The following ST8SIA1 variants were observed in gnomAD, a reference collection of about 807,000 sequenced individuals.
ST8SIA1 encodes the protein alpha-N-acetylneuraminide alpha-2,8-sialyltransferase.
ST8SIA1 carries 16 observed loss-of-function variants against 35.9 expected under a neutral mutation model. The ratio of observed to expected loss-of-function variants is 0.45; its 90% CI spans 0.30 to 0.68. The LOEUF (loss-of-function observed/expected upper bound fraction) is 0.68. ST8SIA1 is among the 30% of genes least tolerant of loss of function. ST8SIA1 has a pLI of 0.09. For missense variants in ST8SIA1, 383 were observed against 453.6 expected, an observed-to-expected ratio of 0.84 and a Z score of 1.41; for synonymous variants, 170 against 169.6, an observed-to-expected ratio of 1.00 and a Z score of -0.02.
At chr12:22,214,973 C>A (rs900148962) in intron 4 of ST8SIA1, among the ~76,000 whole-genome samples, 4 of 152,156 alleles carry the variant, frequency 2.6e-5, no homozygotes, top group Non-Finnish European at 4.4e-5. Flanking sequence ...ATTCTATGCT[C>A]TGAATTATAT....
At chr12:22,243,666 AT>A (rs1447460348) in intron 4 of ST8SIA1, among the ~76,000 whole-genome samples, 1 of 152,244 alleles carries the variant, frequency 6.6e-6, no homozygotes, top group Non-Finnish European at 1.5e-5. Context: ...AAAACATTGT[AT>A]TCCAATTTGA....
chr12:22,233,497 C>T (rs1468236219), intron 4 of ST8SIA1, among the ~76,000 whole-genome samples: 3 of 152,024 alleles, frequency 2.0e-5, no homozygotes, highest in Non-Finnish European at 4.4e-5. Context: ...GAGTTTCACT[C>T]AAGTATCTCA....
At chr12:22,310,736 C>T (rs1866438992) in intron 1 of ST8SIA1, among the ~76,000 whole-genome samples, 1 of 152,152 alleles carries the variant, frequency 6.6e-6, no homozygotes, top group South Asian at 2.1e-4. Context: ...TCTCTACACT[C>T]ACTAGATAGC....
At chr12:22,223,465 C>A (rs1465724671) in intron 4 of ST8SIA1, 3 of 982,454 alleles carry the variant, frequency 3.1e-6, no homozygotes, top group Non-Finnish European at 3.6e-6. Context: ...TCTCAGACTT[C>A]TTTATAGCCG....
intron 1 of ST8SIA1, among the ~76,000 whole-genome samples, chr12:22,320,957 G>GAAAGAAAGAGAA (rs1458108019): frequency 4.2e-4 from 35 of 83,260 alleles, no homozygotes; most frequent in Non-Finnish European, 6.7e-4. Context: ...AAGAAAGAAA[G>GAAAGAAAGAGAA]AGAAAGAAAG....
intron 2 of ST8SIA1, among the ~76,000 whole-genome samples, chr12:22,260,898 A>T (rs113922506): frequency 4.5e-4 from 54 of 120,402 alleles, no homozygotes; most frequent in African/African-American, 1.7e-3. Context: ...TTTTTTTGAG[A>T]CACAGTTTCA....
intron 4 of ST8SIA1, among the ~76,000 whole-genome samples, chr12:22,229,622 A>G (rs1865395036): frequency 6.6e-6 from 1 of 151,582 alleles, no homozygotes; most frequent in Non-Finnish European, 1.5e-5. Flanking sequence ...TTTCAAAAAA[A>G]AAAAAAAAAA....
At chr12:22,230,663 C>G (rs1043038844) in intron 4 of ST8SIA1, among the ~76,000 whole-genome samples, 1 of 152,112 alleles carries the variant, frequency 6.6e-6, no homozygotes, top group African/African-American at 2.4e-5. Flanking sequence ...TAAAACATTA[C>G]CCCTTATAAA....
At position 22,207,870 on chromosome 12, in the gene ST8SIA1, C is replaced by T. The variant is rs556930630; in HGVS notation, c.585-5832G>A. Among the ~76,000 whole-genome samples the T allele has an allele frequency of 1.5e-3, 223 of 152,014 alleles. 4 individuals are homozygous for T. The highest frequency in any genetic ancestry group is 4.9e-3 in the African/African-American group (204 of 41,492). ...ATAAAATAGAAAATTTCTAGCCAGG[C>T]GCGGTGGCTCACGCCTGTAATCCCA... On this transcript the variant is annotated intron_variant, in intron 4 of 4. Coordinates refer to ENST00000396037, the MANE Select transcript of ST8SIA1 (RefSeq NM_003034.4).
rs76151733 is a variant in ST8SIA1, at chr12:22,242,446, T to C, written c.584+6560A>G. ...AAGAACTAGATCTGCACTTCTGAAA[T>C]TCTGACAATATATATATTTAAAGCA... On this transcript the variant is annotated intron_variant, in intron 4 of 4. Transcript: ENST00000396037. 7.5e-3 allele frequency among the ~76,000 whole-genome samples: 1,148 copies of C among 152,292 alleles called. 21 individuals are homozygous for C. The highest frequency in any genetic ancestry group is 0.027 in the African/African-American group (1,102 of 41,558).
chr12:22,314,035 G>A (rs1565594016), intron 1 of ST8SIA1, among the ~76,000 whole-genome samples: 1 of 152,126 alleles, frequency 6.6e-6, no homozygotes, highest in Non-Finnish European at 1.5e-5. Flanking sequence ...ACCGTGAGTT[G>A]CTTTGTCTGA....
At chr12:22,333,481 T>C (rs1866795198) in intron 1 of ST8SIA1, among the ~76,000 whole-genome samples, 1 of 152,250 alleles carries the variant, frequency 6.6e-6, no homozygotes, top group Non-Finnish European at 1.5e-5. Context: ...GTCAGTACTA[T>C]GCACTTGCTG....
chr12:22,292,809 C>G (rs766880448), intron 1 of ST8SIA1, among the ~76,000 whole-genome samples: 26 of 152,228 alleles, frequency 1.7e-4, no homozygotes, highest in South Asian at 8.3e-4. Context: ...TGCTCACTAC[C>G]TGAATAATTG....
chr12:22,262,909 A>G (rs901993913), intron 2 of ST8SIA1, among the ~76,000 whole-genome samples: 2 of 152,236 alleles, frequency 1.3e-5, no homozygotes, highest in African/African-American at 4.8e-5. Flanking sequence ...GCAGGCTGCA[A>G]TGTCCTTACC....
At chr12:22,275,997 AT>A (rs902772567) in intron 2 of ST8SIA1, among the ~76,000 whole-genome samples, 25 of 152,266 alleles carry the variant, frequency 1.6e-4, no homozygotes, top group African/African-American at 5.5e-4. Context: ...CAGCCTTCCT[AT>A]TCCAGTACTG....
chr12:22,204,932 A>ACT (rs1344488493), intron 4 of ST8SIA1, among the ~76,000 whole-genome samples: 1 of 152,176 alleles, frequency 6.6e-6, no homozygotes, highest in African/African-American at 2.4e-5. Flanking sequence ...GTGGTGCTCC[A>ACT]GTTTGTCTCT....
intron 1 of ST8SIA1, among the ~76,000 whole-genome samples, chr12:22,320,949 GAAAGAAAGAGAA>G (rs1383331103): frequency 6.4e-4 from 47 of 73,746 alleles, no homozygotes; most frequent in South Asian, 4.5e-3. Flanking sequence ...AAGAAAGAAA[GAAAGAAAGAGAA>G]AGAAAGAAAG....
chr12:22,200,555 T>A lies in ST8SIA1; in HGVS notation c.*997A>T, dbSNP rs1565564784. 1 of 152,240 alleles carries A rather than the reference T, an allele frequency of 6.6e-6. No individual in the cohort carries two copies. The highest frequency in any genetic ancestry group is 2.4e-5 in the African/African-American group (1 of 41,464). 9.4% of individuals were successfully genotyped at this position (152,240 alleles called of 1,614,324 possible). The stretch of plus-strand genomic sequence containing the variant: ...ATTCAAAGTTTCGCTCAATTCATTC[T>A]TGCATGTATGCATACATGTCCTTTA... On this transcript the variant is annotated 3_prime_UTR_variant, in exon 5 of 5. Transcript: ENST00000396037.
chr12:22,311,217 T>C (rs12302876), intron 1 of ST8SIA1, among the ~76,000 whole-genome samples: 7,682 of 152,152 alleles, frequency 0.05, 614 homozygotes, highest in African/African-American at 0.17. Flanking sequence ...TTTCTGTCCA[T>C]AAGAATCTCA....
Sources: gnomAD v4.1 joint callset for allele counts (sites outside exome capture counted in the v4.1 genomes callset) on GRCh38, gnomAD v4.1.1 for gene constraint, MANE v1.5 for transcripts, NCBI Gene and HGNC (gene_info 2026-07-23, HGNC 2026-07-21) for gene names.